The following TPTE2 variants were observed in gnomAD, a reference collection of about 807,000 sequenced individuals.
TPTE2 encodes phosphatidylinositol 3,4,5-trisphosphate 3-phosphatase TPTE2.
A neutral mutation model predicts 78.6 loss-of-function variants in TPTE2; 53 were observed. The observed-to-expected ratio is 0.67, with a 90% CI of 0.54 to 0.85. The LOEUF (loss-of-function observed/expected upper bound fraction) is 0.85. Ranked by LOEUF, TPTE2 falls within the 40% of genes least tolerant of loss-of-function variation. TPTE2 has a pLI of 0.00. For synonymous variants in TPTE2, 175 were observed against 206.2 expected, an observed-to-expected ratio of 0.85 and a Z score of 1.30; for missense variants, 461 against 623.0, an observed-to-expected ratio of 0.74 and a Z score of 2.77.
intron 6 of TPTE2, among the ~76,000 whole-genome samples, chr13:19,472,779 CATTTATTGTAGTTTTCACTGT>C (rs1566055314): frequency 6.6e-6 from 1 of 152,136 alleles, no homozygotes; most frequent in East Asian, 1.9e-4. Flanking sequence ...GTTTTCACTG[CATTTATTGTAGTTTTCACTGT>C]ATTTATTGTA....
intron 1 of TPTE2, among the ~76,000 whole-genome samples, chr13:19,518,415 A>G (rs1869936418): frequency 6.6e-6 from 1 of 152,220 alleles, no homozygotes; most frequent in African/African-American, 2.4e-5. Context: ...AATTGTAAGA[A>G]AACAACCCAA....
At chr13:19,511,115 T>C (rs964841618) in intron 1 of TPTE2, among the ~76,000 whole-genome samples, 3 of 152,210 alleles carry the variant, frequency 2.0e-5, no homozygotes, top group Non-Finnish European at 4.4e-5. Flanking sequence ...TGTTTCATAT[T>C]CCTACAGAAC....
the TPTE2 span, among the ~76,000 whole-genome samples, chr13:19,554,714 A>G: frequency 6.6e-6 from 1 of 152,192 alleles, no homozygotes; most frequent in Non-Finnish European, 1.5e-5. Flanking sequence ...AGCCCACTAA[A>G]GCATATCAAC....
intron 3 of TPTE2, among the ~76,000 whole-genome samples, chr13:19,490,074 A>G (rs1282727989): frequency 1.3e-5 from 2 of 152,180 alleles, no homozygotes; most frequent in South Asian, 4.1e-4. Context: ...CCTAGAAGAA[A>G]AGCTTATATT....
chr13:19,519,271 T>C (rs1037580861), intron 1 of TPTE2, among the ~76,000 whole-genome samples: 12 of 151,978 alleles, frequency 7.9e-5, no homozygotes, highest in Non-Finnish European at 1.3e-4. Context: ...TTGTCTGACA[T>C]AGGGGAAAAC....
chr13:19,503,090 G>A, intron 1 of TPTE2, 134 bp downstream of exon 4: 1 of 1,255,848 alleles, frequency 8.0e-7, no homozygotes, highest in South Asian at 1.3e-5. Flanking sequence ...GTTAGTGGAT[G>A]TGTTTGGGAG....
rs1260633590 is a variant in TPTE2, at chr13:19,535,349, T to C, written c.-44+1247A>G. 6.6e-6 allele frequency among the ~76,000 whole-genome samples: 1 copy of C among 152,014 alleles called. No individual in the cohort carries two copies. The highest frequency in any genetic ancestry group is 1.5e-5 in the Non-Finnish European group (1 of 68,012). On this transcript the variant is annotated intron_variant, in intron 1 of 17. Coordinates refer to the TPTE2 transcript ENST00000390680. The surrounding 1 kb of genome is among the most constrained non-coding windows in gnomAD (Gnocchi z 5.1). ...CATGGTCCCAACTGTGGAGGTATCATCATCTTCCAAAGCTATCTACAAAAA... is the reference window on the plus strand; with the variant it reads ...CATGGTCCCAACTGTGGAGGTATCACCATCTTCCAAAGCTATCTACAAAAA...
chr13:19,482,624 G>C, intron 3 of TPTE2, 77 bp from the exon 7 acceptor site: 1 of 1,545,466 alleles, frequency 6.5e-7, no homozygotes, highest in Non-Finnish European at 8.8e-7. Context: ...AAATATATTT[G>C]AATAACAAGA....
chr13:19,441,802 A>T (rs575075373), intron 13 of TPTE2, among the ~76,000 whole-genome samples: 91 of 152,332 alleles, frequency 6.0e-4, no homozygotes, highest in African/African-American at 2.1e-3. Flanking sequence ...GCAGAGCCTA[A>T]CCAGTGTAGA....
At chr13:19,557,989 CTG>C in the TPTE2 span, among the ~76,000 whole-genome samples, 1 of 152,038 alleles carries the variant, frequency 6.6e-6, no homozygotes, top group Non-Finnish European at 1.5e-5. Context: ...CTAATACAGA[CTG>C]TAAAATGTCA....
chr13:19,530,037 A>C (rs570108385), intron 1 of TPTE2, among the ~76,000 whole-genome samples: 2 of 152,296 alleles, frequency 1.3e-5, no homozygotes, highest in East Asian at 1.9e-4. Context: ...TCTTGTCAGC[A>C]CATCTTGCTG....
chr13:19,468,873 A>AT (rs1284683651), intron 6 of TPTE2, among the ~76,000 whole-genome samples: 3 of 152,022 alleles, frequency 2.0e-5, no homozygotes, highest in Admixed American at 1.3e-4. Context: ...AGATTATTAG[A>AT]TTTTTTCCTA....
chr13:19,527,954 T>C (rs1343459651), intron 1 of TPTE2, among the ~76,000 whole-genome samples: 1 of 152,220 alleles, frequency 6.6e-6, no homozygotes, highest in Non-Finnish European at 1.5e-5. Context: ...ACTGTCCTTC[T>C]GACCAGTCCT....
intron 15 of TPTE2, among the ~76,000 whole-genome samples, chr13:19,433,476 C>A (rs1876830403): frequency 6.6e-6 from 1 of 152,178 alleles, no homozygotes; most frequent in Non-Finnish European, 1.5e-5. Context: ...GCACTCTAGT[C>A]TGGGTGACAG....
chr13:19,535,695 G>C lies in TPTE2; in HGVS notation c.-44+901C>G, dbSNP rs1292192357. On this transcript the variant is annotated intron_variant, in intron 1 of 17. Coordinates refer to the TPTE2 transcript ENST00000390680. This position sits in a 1 kb window ranked among gnomAD's most constrained non-coding sequence, Gnocchi z 5.1. ...TCACCAGGCTGGAGTGCAATGGTGT[G>C]ACCTCAGCTCACTGCAACTTCCACC... is the stretch of plus-strand genomic sequence containing the variant. Among the ~76,000 whole-genome samples, 1 of 151,866 alleles carries C rather than the reference G, an allele frequency of 6.6e-6. No homozygotes were observed. The highest frequency in any genetic ancestry group is 6.6e-5 in the Admixed American group (1 of 15,264).
Position 19,451,069 on chromosome 13 carries a change from T to C in TPTE2, c.802+96A>G, listed in dbSNP as rs1251688952. The C allele has an allele frequency of 2.1e-6, 3 of 1,453,272 alleles. No individual in the cohort carries two copies. The African/African-American group carries it at 4.2e-5, about 21-fold the overall frequency. The allele number at this position is 1,453,272 out of a possible 1,614,324, so 90.0% of individuals were successfully genotyped here. ...TTCATTCCTTGCCACTACCAAATAC[T>C]TATGATTAAATGCAATCTAAAAAGC... is the stretch of plus-strand genomic sequence containing the variant. On this transcript the variant is annotated intron_variant, in intron 11 of 19. Transcript: ENST00000400230.
chr13:19,504,733 G>A (rs1175226060), upstream of TPTE2, among the ~76,000 whole-genome samples: 3 of 152,066 alleles, frequency 2.0e-5, no homozygotes, highest in East Asian at 1.9e-4. Context: ...AGGGCCTATA[G>A]TGAGGAGATT....
At chr13:19,464,431 G>A (rs1364104100) in intron 10 of TPTE2, 25 bp downstream of exon 13, 7 of 1,585,746 alleles carry the variant, frequency 4.4e-6, no homozygotes, top group Non-Finnish European at 6.1e-6. Context: ...TGAGAAATGA[G>A]TATTTGTCAG....
At chr13:19,522,590 T>C (rs1469610474) in intron 1 of TPTE2, among the ~76,000 whole-genome samples, 3 of 150,932 alleles carry the variant, frequency 2.0e-5, no homozygotes, top group Non-Finnish European at 4.4e-5. Context: ...TTTTTCTTTG[T>C]TTTCTTTTGT....
Sources: allele counts gnomAD v4.1 joint callset (sites outside exome capture counted in the v4.1 genomes callset), GRCh38; gene constraint gnomAD v4.1.1; non-coding constraint Gnocchi (gnomAD v3.1); transcripts MANE v1.5; gene names NCBI Gene and HGNC (gene_info 2026-07-23, HGNC 2026-07-21).